SLC23A2: variants seen among roughly 807,000 people sequenced by gnomAD.
SLC23A2 encodes the protein Na(+)/L-ascorbic acid transporter 2.
In SLC23A2, 36 loss-of-function variants were observed where a neutral mutation model predicts 73.3. The ratio of observed to expected loss-of-function variants is 0.49; its 90% CI spans 0.38 to 0.65. The LOEUF (loss-of-function observed/expected upper bound fraction) is 0.65, where lower values mean the gene tolerates loss of function less well. Among genes scored for constraint, SLC23A2 ranks in the 30% least tolerant of loss-of-function variants. The probability of loss-of-function intolerance (pLI) is 0.00; values close to 1 mark genes in which losing one functional copy is unlikely to be tolerated. For missense variants in SLC23A2, 507 were observed against 841.6 expected (o/e 0.60, Z 4.92); for synonymous variants, 343 against 327.3 (o/e 1.05, Z -0.52).
rs1931651768 is a variant in SLC23A2, at chr20:4,899,090, G to A, written c.482+465C>T. 6.6e-6 allele frequency among the ~76,000 whole-genome samples: 1 copy of A among 152,210 alleles called. No homozygotes were observed. The highest frequency in any genetic ancestry group is 1.9e-4 in the East Asian group (1 of 5,184). On this transcript the variant is annotated intron_variant, in intron 6 of 16. Transcript: ENST00000338244. The surrounding 1 kb of genome is among the most constrained non-coding windows in gnomAD (Gnocchi z 4.9). ...AAGCCTAAATGCTGGGTGCAGCCTG[G>A]TGTGTAAAAAGGGAGGAGAGCTGCA...
At chr20:4,986,112 G>A (rs2087821757) in intron 1 of SLC23A2, among the ~76,000 whole-genome samples, 1 of 151,984 alleles carries the variant, frequency 6.6e-6, no homozygotes, top group African/African-American at 2.4e-5. Flanking sequence ...TATCAATTTA[G>A]GGCATCATAA....
chr20:5,008,671 C>T (rs1398854005), intron 1 of SLC23A2, among the ~76,000 whole-genome samples: 1 of 152,158 alleles, frequency 6.6e-6, no homozygotes. Flanking sequence ...CATGAGGGAC[C>T]TCTCTTCCCT....
At chr20:5,006,203 T>C (rs1300247901), upstream of SLC23A2, among the ~76,000 whole-genome samples, 1 of 151,476 alleles carries the variant, frequency 6.6e-6, no homozygotes, top group Admixed American at 6.6e-5. Flanking sequence ...GTTCAAGCGG[T>C]TCTCCTGCCT....
rs181139114 is a variant in SLC23A2 at position 4,992,796 on chromosome 20, C to G, written c.-282+8610G>C. On this transcript the variant is annotated intron_variant, in intron 1 of 16. Coordinates refer to ENST00000338244, the MANE Select transcript of SLC23A2 (RefSeq NM_005116.6). ...AAGTGCTGAGATTACAGGCATGAGC[C>G]ACCGCGCTTGGCCAACAGACTTGAA... Among the ~76,000 whole-genome samples the G allele has an allele frequency of 8.6e-5, 13 of 151,594 alleles. No homozygotes were observed. The East Asian group carries it at 2.4e-3, about 27-fold the overall frequency.
intron 3 of SLC23A2, among the ~76,000 whole-genome samples, chr20:4,926,905 T>A (rs1049543048): frequency 6.6e-6 from 1 of 151,920 alleles, no homozygotes; most frequent in Non-Finnish European, 1.5e-5. Context: ...ACACCCCACC[T>A]CCCTTTCCAG....
chr20:4,865,109 A>G (rs1930137514), intron 13 of SLC23A2, among the ~76,000 whole-genome samples: 2 of 152,296 alleles, frequency 1.3e-5, no homozygotes, highest in African/African-American at 2.4e-5. Context: ...CCCCTCTCAC[A>G]GGGTCCATTC....
chr20:4,945,239 A>G (rs1477398055), intron 2 of SLC23A2, among the ~76,000 whole-genome samples: 1 of 152,212 alleles, frequency 6.6e-6, no homozygotes, highest in East Asian at 1.9e-4. Context: ...GAATTTAAAA[A>G]AAAAATAACA....
chr20:4,943,672 C>G (rs1411605129), intron 2 of SLC23A2, among the ~76,000 whole-genome samples: 1 of 142,012 alleles, frequency 7.0e-6, no homozygotes, highest in East Asian at 2.0e-4. Context: ...CAGACTCTGT[C>G]TCAAAAAAAA....
In SLC23A2 at chr20:4,868,473, T is replaced by A. The variant is rs1465811205; in HGVS notation, c.1251-598A>T. Reference sequence around the variant, plus strand: ...TTGAGTGTTTTTAAATCACCGCAAATGAAAGCAAAGGATTTTAGCCAGAAA... The same window carrying A: ...TTGAGTGTTTTTAAATCACCGCAAAAGAAAGCAAAGGATTTTAGCCAGAAA... On this transcript the variant is annotated intron_variant, in intron 12 of 16. Transcript: ENST00000338244. This position sits in a 1 kb window ranked among gnomAD's most constrained non-coding sequence, Gnocchi z 4.4. Among the ~76,000 whole-genome samples the A allele has an allele frequency of 6.6e-6, 1 of 152,098 alleles. No homozygotes were observed. The highest frequency in any genetic ancestry group is 2.4e-5 in the African/African-American group (1 of 41,408).
chr20:5,004,939 C>T (rs984615668), upstream of SLC23A2, among the ~76,000 whole-genome samples: 4 of 151,660 alleles, frequency 2.6e-5, no homozygotes, highest in East Asian at 1.9e-4. Flanking sequence ...GTGGAGGTTG[C>T]GGTGAGCCGA....
intron 11 of SLC23A2, among the ~76,000 whole-genome samples, chr20:4,871,214 C>A (rs567864766): frequency 1.3e-5 from 2 of 152,156 alleles, no homozygotes; most frequent in South Asian, 4.2e-4. Context: ...CATGCAGGAG[C>A]CAACAACGTA....
chr20:4,933,329 C>T (rs1055237800), intron 2 of SLC23A2, among the ~76,000 whole-genome samples: 17 of 152,060 alleles, frequency 1.1e-4, no homozygotes, highest in African/African-American at 3.9e-4. Flanking sequence ...GGTTGCCAGG[C>T]GCAGTGGCTC....
At chr20:4,905,349 C>A (rs548863313) in intron 4 of SLC23A2, among the ~76,000 whole-genome samples, 6 of 152,144 alleles carry the variant, frequency 3.9e-5, no homozygotes, top group Admixed American at 6.5e-5. Flanking sequence ...CTGTGCCCCC[C>A]CTCCTGATGA....
Position 4,862,622 on chromosome 20 carries a change from G to A in SLC23A2, c.1486+156C>T, listed in dbSNP as rs1382402486. 2.0e-5 allele frequency among the ~76,000 whole-genome samples: 3 copies of A among 152,196 alleles called. No homozygotes were observed. The East Asian group carries it at 5.8e-4, about 29-fold the overall frequency. On this transcript the variant is annotated intron_variant, in intron 14 of 16. Transcript: ENST00000338244. This position sits in a 1 kb window ranked among gnomAD's most constrained non-coding sequence, Gnocchi z 5.1. ...ATATTTAATATAAATTCAACTCAGA[G>A]AGTGATAAAAGTTTTCATTTTTTGA...
intron 3 of SLC23A2, among the ~76,000 whole-genome samples, chr20:4,915,200 C>G (rs931893219): frequency 4.6e-5 from 7 of 152,172 alleles, no homozygotes; most frequent in African/African-American, 1.4e-4. Flanking sequence ...AGGAAAATCA[C>G]AACCAGTAGG....
At chr20:4,865,444 A>G (rs929986110) in intron 13 of SLC23A2, among the ~76,000 whole-genome samples, 9 of 152,230 alleles carry the variant, frequency 5.9e-5, no homozygotes, top group African/African-American at 2.2e-4. Context: ...CCGCTCTGCC[A>G]GGCTACTGTT....
At chr20:4,865,991 C>G (rs951469109) in intron 13 of SLC23A2, among the ~76,000 whole-genome samples, 1 of 152,046 alleles carries the variant, frequency 6.6e-6, no homozygotes, top group African/African-American at 2.4e-5. Flanking sequence ...AGCCACCAAG[C>G]CTGGCTAATT....
At chr20:4,917,432 A>AG (rs1327734643) in intron 3 of SLC23A2, among the ~76,000 whole-genome samples, 1 of 152,110 alleles carries the variant, frequency 6.6e-6, no homozygotes, top group Non-Finnish European at 1.5e-5. Context: ...ACAGCACAGC[A>AG]GGGGGCACGG....
chr20:5,001,277 C>T (rs1172998552), intron 1 of SLC23A2, 129 bp downstream of exon 1: 8 of 147,420 alleles, frequency 5.4e-5, no homozygotes, highest in Admixed American at 4.7e-4. Flanking sequence ...GGCCGCGCCG[C>T]GGGGCCGGTG....
Sources: gnomAD v4.1 joint callset for allele counts (sites outside exome capture counted in the v4.1 genomes callset) on GRCh38, gnomAD v4.1.1 for gene constraint, Gnocchi (gnomAD v3.1) non-coding constraint, MANE v1.5 for transcripts, NCBI Gene and HGNC (gene_info 2026-07-23, HGNC 2026-07-21) for gene names.